Variants in PSIP1 observed in about 807,000 individuals in gnomAD.
The protein encoded by PSIP1 is PC4 and SRSF1 interacting protein 1, also known as PC4 and SFRS1-interacting protein.
PSIP1 carries 19 observed loss-of-function variants against 74.7 expected under a neutral mutation model. The observed-to-expected ratio is 0.25, with a 90% CI of 0.18 to 0.37. The LOEUF (loss-of-function observed/expected upper bound fraction) is 0.37. Among genes scored for constraint, PSIP1 ranks in the 10% least tolerant of loss-of-function variants. The pLI is 1.00. For missense variants in PSIP1, 601 were observed against 614.3 expected (o/e 0.98, Z 0.23); for synonymous variants, 222 against 195.3 (o/e 1.14, Z -1.14).
At chr9:15,480,338 G>A (rs577894222) in intron 6 of PSIP1, among the ~76,000 whole-genome samples, 1 of 152,330 alleles carries the variant, frequency 6.6e-6, no homozygotes, top group South Asian at 2.1e-4. Flanking sequence ...CAAAGGAGGA[G>A]ATGGGCTCCT....
chr9:15,504,399 C>T (rs759610625), intron 3 of PSIP1, among the ~76,000 whole-genome samples: 32 of 152,112 alleles, frequency 2.1e-4, no homozygotes, highest in Non-Finnish European at 1.5e-5. Flanking sequence ...AATCATTCCT[C>T]TTCTAAATTT....
chr9:15,486,465 T>C (rs1452831860), intron 5 of PSIP1, among the ~76,000 whole-genome samples: 1 of 152,166 alleles, frequency 6.6e-6, no homozygotes, highest in African/African-American at 2.4e-5. Flanking sequence ...TACACACAGA[T>C]CATATACAGT....
chr9:15,475,281 G>A (rs117067711), intron 8 of PSIP1, among the ~76,000 whole-genome samples: 2,604 of 152,178 alleles, frequency 0.017, 43 homozygotes, highest in Admixed American at 0.039. Context: ...TTTAATAAAT[G>A]AAAGTAAAAG....
chr9:15,486,409 C>G (rs2036558208), intron 5 of PSIP1, among the ~76,000 whole-genome samples: 2 of 152,150 alleles, frequency 1.3e-5, no homozygotes, highest in African/African-American at 4.8e-5. Flanking sequence ...TGAAGATCAT[C>G]TAACAACCAT....
intron 15 of PSIP1, 131 bp from the exon 16 acceptor site, chr9:15,465,711 G>A (rs1445574453): frequency 1.5e-6 from 1 of 680,300 alleles, no homozygotes; most frequent in Non-Finnish European, 2.4e-6. Flanking sequence ...AGAAAAACTT[G>A]ACTTGTTATT....
rs75444436 is a variant in PSIP1, at chr9:15,506,227, C to A, written c.149+334G>T. Reference sequence around the variant, plus strand: ...ATATCATAAAACCAAAAATTAGGTACCAACTAGTCCTTATAAAAAGCACTT... The same window carrying A: ...ATATCATAAAACCAAAAATTAGGTAACAACTAGTCCTTATAAAAAGCACTT... On this transcript the variant is annotated intron_variant, in intron 3 of 15. Transcript: ENST00000380733. 4.1e-4 allele frequency: 72 copies of A among 174,606 alleles called. 1 individual carries two copies. In the East Asian group the frequency reaches 6.4e-3, roughly 15 times the overall value. The allele number at this position is 174,606 out of a possible 1,614,324, so 10.8% of individuals were successfully genotyped here.
intron 3 of PSIP1, among the ~76,000 whole-genome samples, chr9:15,504,035 G>A (rs1457448760): frequency 2.6e-5 from 4 of 152,188 alleles, no homozygotes; most frequent in East Asian, 1.9e-4. Context: ...GTAAGCCACC[G>A]CGCCCAGCCC....
At chr9:15,489,225 AATAAAT>A (rs980965378) in intron 4 of PSIP1, 11 of 152,204 alleles carry the variant, frequency 7.2e-5, no homozygotes, top group African/African-American at 2.7e-4. Context: ...TGCTGACACC[AATAAAT>A]ATAATTTGCA....
At chr9:15,498,853 T>C (rs151272008) in intron 3 of PSIP1, among the ~76,000 whole-genome samples, 18 of 152,248 alleles carry the variant, frequency 1.2e-4, no homozygotes, top group African/African-American at 4.3e-4. Flanking sequence ...AAGCAGGGCA[T>C]AACTATATAC....
chr9:15,506,292 T>C (rs758755605), intron 3 of PSIP1: 7 of 303,392 alleles, frequency 2.3e-5, no homozygotes, highest in African/African-American at 4.3e-5. Context: ...TATTAAAACT[T>C]TCCTTATGTA....
At position 15,465,315 on chromosome 9, in the gene PSIP1, T is replaced by A; in HGVS notation, c.*205A>T. The A allele has an allele frequency of 2.1e-6, 1 of 478,404 alleles. No individual in the cohort carries two copies. The allele number at this position is 478,404 out of a possible 1,614,324, so 29.6% of individuals were successfully genotyped here. On this transcript the variant is annotated 3_prime_UTR_variant, in exon 16 of 16. Transcript: ENST00000380733. ...TTTCTAAATGGATTTTATCCCACATTTACTGTATAATGTAGCTGTTAATAC... is the reference window on the plus strand; with the variant it reads ...TTTCTAAATGGATTTTATCCCACATATACTGTATAATGTAGCTGTTAATAC...
intron 9 of PSIP1, 81 bp from the exon 10 acceptor site, chr9:15,472,831 G>GCAGCA (rs2132052038): frequency 7.5e-7 from 1 of 1,329,180 alleles, no homozygotes; most frequent in East Asian, 2.5e-5. Flanking sequence ...TGGGGGAAAA[G>GCAGCA]CAGCAGCTAG....
chr9:15,503,249 C>T (rs1420828615), intron 3 of PSIP1, among the ~76,000 whole-genome samples: 6 of 151,834 alleles, frequency 4.0e-5, no homozygotes, highest in Non-Finnish European at 7.4e-5. Flanking sequence ...TGCCTGTAAT[C>T]CTGACTAGTT....
rs2035456728 is a variant in PSIP1, at chr9:15,464,264, A to T, written c.*1256T>A. The T allele has an allele frequency of 5.2e-6, 1 of 193,636 alleles. No homozygotes were observed. Among genetic ancestry groups the T allele is most frequent in the South Asian group, 1.9e-4 (1 of 5,192 alleles). The allele number at this position is 193,636 out of a possible 1,614,324, so 12.0% of individuals were successfully genotyped here. ...CAAAAATGCAATTCTGTAGATGAAAACAGTTATCTCAGAGGGTCAACCACA... is the reference window on the plus strand; with the variant it reads ...CAAAAATGCAATTCTGTAGATGAAATCAGTTATCTCAGAGGGTCAACCACA... On this transcript the variant is annotated 3_prime_UTR_variant, in exon 16 of 16. Transcript: ENST00000380733.
At chr9:15,501,938 G>A (rs189993797) in intron 3 of PSIP1, among the ~76,000 whole-genome samples, 46 of 151,144 alleles carry the variant, frequency 3.0e-4, no homozygotes, top group African/African-American at 9.5e-4. Flanking sequence ...GTACCCGTCC[G>A]TGGCCTGTTA....
chr9:15,469,318 C>T lies in PSIP1; in HGVS notation c.1052G>A (p.Arg351Gln), dbSNP rs769340196. The change falls in exon 12 of 16, where the codon CGA becomes CAA. Residue 351 changes from arginine to glutamine, a missense_variant. Coordinates refer to ENST00000380733, the MANE Select transcript of PSIP1 (RefSeq NM_033222.5). ...EKKRETSMDSRLQRIHAEIKN... is the reference protein window; with the variant it reads ...EKKRETSMDSQLQRIHAEIKN... ...AATCTCAGCATGTATCCTTTGAAGTCGAGAATCCATTGATGTTTCTACAAA... is the reference window on the plus strand; with the variant it reads ...AATCTCAGCATGTATCCTTTGAAGTTGAGAATCCATTGATGTTTCTACAAA... The T allele has an allele frequency of 1.9e-6, 3 of 1,569,120 alleles. No homozygotes were observed. The highest frequency in any genetic ancestry group is 2.2e-5 in the East Asian group (1 of 44,508).
chr9:15,483,476 G>A (rs1040720602), intron 6 of PSIP1, among the ~76,000 whole-genome samples: 3 of 151,402 alleles, frequency 2.0e-5, no homozygotes, highest in African/African-American at 4.9e-5. Flanking sequence ...CCAGTCTCAT[G>A]CCAACTCCTT....
chr9:15,479,049 T>C (rs976438586), intron 7 of PSIP1, among the ~76,000 whole-genome samples: 2 of 152,114 alleles, frequency 1.3e-5, no homozygotes, highest in African/African-American at 4.8e-5. Context: ...CCCCCCATTT[T>C]CAGTAAGAAT....
At chr9:15,492,117 C>T (rs576805658) in intron 3 of PSIP1, 2 of 152,344 alleles carry the variant, frequency 1.3e-5, no homozygotes, top group South Asian at 4.1e-4. Flanking sequence ...ACAACCATGC[C>T]CTTCCAACAG....
Sources: allele counts gnomAD v4.1 joint callset (sites outside exome capture counted in the v4.1 genomes callset), GRCh38; gene constraint gnomAD v4.1.1; transcripts MANE v1.5; gene names NCBI Gene and HGNC (gene_info 2026-07-23, HGNC 2026-07-21).